SLC1A3: variants seen among roughly 807,000 people sequenced by gnomAD.
SLC1A3 encodes the protein solute carrier family 1 member 3.
SLC1A3 carries 21 observed loss-of-function variants against 48.1 expected under a neutral mutation model. That is an observed-to-expected ratio of 0.44 (90% CI 0.31 to 0.63). SLC1A3 has a LOEUF of 0.63. Among genes scored for constraint, SLC1A3 ranks in the 20% least tolerant of loss-of-function variants. The pLI is 0.08. For missense variants in SLC1A3, 546 were observed against 689.0 expected, an observed-to-expected ratio of 0.79 and a Z score of 2.32; for synonymous variants, 239 against 251.4, an observed-to-expected ratio of 0.95 and a Z score of 0.47.
intron 8 of SLC1A3, among the ~76,000 whole-genome samples, chr5:36,681,210 A>G (rs1347623889): frequency 6.6e-6 from 1 of 152,348 alleles, no homozygotes; most frequent in Middle Eastern, 3.4e-3. Flanking sequence ...AGACATGCAC[A>G]CACTTCTTTT....
At chr5:36,658,760 T>A (rs1741386766) in intron 3 of SLC1A3, among the ~76,000 whole-genome samples, 1 of 152,210 alleles carries the variant, frequency 6.6e-6, no homozygotes, top group Non-Finnish European at 1.5e-5. Flanking sequence ...CCAACTGGCC[T>A]GGGCATTCTA....
chr5:36,631,389 T>C (rs3733810), intron 3 of SLC1A3, among the ~76,000 whole-genome samples: 28,032 of 152,088 alleles, frequency 0.18, 4,043 homozygotes, highest in African/African-American at 0.4. Flanking sequence ...ACAACTTTAT[T>C]GAAGAAATAA....
intron 3 of SLC1A3, among the ~76,000 whole-genome samples, chr5:36,632,441 C>G (rs542245161): frequency 6.6e-6 from 1 of 152,318 alleles, no homozygotes; most frequent in Admixed American, 6.5e-5. Flanking sequence ...GTGGAATTCA[C>G]TACTGAACAT....
At chr5:36,598,852 T>C (rs1335721592) in intron 1 of SLC1A3, among the ~76,000 whole-genome samples, 2 of 152,138 alleles carry the variant, frequency 1.3e-5, no homozygotes, top group Non-Finnish European at 2.9e-5. Flanking sequence ...GATCTCAAAC[T>C]CCTGCACTCA....
At chr5:36,663,309 A>T (rs1741591256) in intron 3 of SLC1A3, among the ~76,000 whole-genome samples, 1 of 149,102 alleles carries the variant, frequency 6.7e-6, no homozygotes, top group Non-Finnish European at 1.5e-5. Context: ...TCCGCTTCCC[A>T]GGTTCGAGCA....
chr5:36,632,348 C>A (rs1740166666), intron 3 of SLC1A3, among the ~76,000 whole-genome samples: 1 of 152,218 alleles, frequency 6.6e-6, no homozygotes, highest in Non-Finnish European at 1.5e-5. Flanking sequence ...CCATTCCAAC[C>A]CTCAGACTAC....
Position 36,646,150 on chromosome 5 carries a change from G to C in SLC1A3, c.319+16563G>C, listed in dbSNP as rs56406249. 9.0e-3 allele frequency among the ~76,000 whole-genome samples: 1,375 copies of C among 152,290 alleles called. 12 individuals are homozygous for C. Among genetic ancestry groups the C allele is most frequent in the Non-Finnish European group, 0.012 (783 of 68,024 alleles). ...ATCATTAAGGGAAAGCTAAAGATAC[G>C]TAAGTTTTTTGAAGTTGACATCAAG... is the stretch of plus-strand genomic sequence containing the variant. On this transcript the variant is annotated intron_variant, in intron 3 of 9. Coordinates refer to ENST00000265113, the MANE Select transcript of SLC1A3 (RefSeq NM_004172.5).
chr5:36,608,285 AC>A, intron 1 of SLC1A3, 43 bp from the exon 2 acceptor site: 1 of 721,634 alleles, frequency 1.4e-6, no homozygotes, highest in East Asian at 2.7e-5. Flanking sequence ...CTGATTTCTC[AC>A]CCCTGGAGGC....
chr5:36,621,560 A>G (rs1739671633), intron 2 of SLC1A3, among the ~76,000 whole-genome samples: 1 of 152,186 alleles, frequency 6.6e-6, no homozygotes, highest in South Asian at 2.1e-4. Context: ...AACCAGTTAG[A>G]AGACTACTGC....
At chr5:36,637,930 C>T (rs923000177) in intron 3 of SLC1A3, among the ~76,000 whole-genome samples, 4 of 146,922 alleles carry the variant, frequency 2.7e-5, no homozygotes, top group African/African-American at 1.0e-4. Context: ...TGGGAGTTGA[C>T]ATTTATTTGT....
chr5:36,654,712 C>T (rs1580001985), intron 3 of SLC1A3, among the ~76,000 whole-genome samples: 1 of 152,184 alleles, frequency 6.6e-6, no homozygotes, highest in African/African-American at 2.4e-5. Flanking sequence ...TGCTCTGCGT[C>T]ATGCAGGGCT....
At chr5:36,610,492 G>A (rs897330556) in intron 2 of SLC1A3, among the ~76,000 whole-genome samples, 1 of 152,154 alleles carries the variant, frequency 6.6e-6, no homozygotes, top group African/African-American at 2.4e-5. Context: ...ATTCAAAATG[G>A]TGTTGTAAAC....
chr5:36,626,935 T>C (rs960855795), intron 2 of SLC1A3, among the ~76,000 whole-genome samples: 8 of 152,086 alleles, frequency 5.3e-5, no homozygotes, highest in African/African-American at 1.9e-4. Context: ...GAATTTAAGA[T>C]CTATCAAACT....
rs778808337 is a variant in SLC1A3 at position 36,676,922 on chromosome 5, A to G, written c.598A>G (p.Lys200Glu). ...FKTNYEKRSFKVPIQANETLV... is the reference protein window; with the variant it reads ...FKTNYEKRSFEVPIQANETLV... ...AACCAACTATGAGAAGAGAAGCTTT[A>G]AAGTGCCCATCCAGGCCAACGAAAC... The change falls in exon 6 of 10, where the codon AAA (lysine) becomes GAA (glutamate). Residue 200 changes from lysine to glutamate, a missense_variant. This residue lies in a region of SLC1A3 where 348 missense variants were observed against 392.0 expected (regional missense o/e 0.89). Transcript: ENST00000265113. The G allele has an allele frequency of 1.2e-6, 2 of 1,613,826 alleles. No homozygotes were observed. The highest frequency in any genetic ancestry group is 1.1e-5 in the South Asian group (1 of 91,058).
chr5:36,666,975 G>A (rs1441422309), intron 3 of SLC1A3, among the ~76,000 whole-genome samples: 1 of 152,150 alleles, frequency 6.6e-6, no homozygotes, highest in Non-Finnish European at 1.5e-5. Context: ...ATACTCAGGT[G>A]TTTGAAGCAA....
Position 36,686,336 on chromosome 5 carries a change from A to C in SLC1A3, c.*67A>C. The C allele has an allele frequency of 3.6e-4, 423 of 1,184,256 alleles. No individual in the cohort carries two copies. Among genetic ancestry groups the C allele is most frequent in the Non-Finnish European group, 4.7e-4 (375 of 790,184 alleles). 73.4% of individuals were successfully genotyped at this position (1,184,256 alleles called of 1,614,324 possible). On this transcript the variant is annotated 3_prime_UTR_variant, in exon 10 of 10. Coordinates refer to ENST00000265113, the MANE Select transcript of SLC1A3 (RefSeq NM_004172.5). ...AACCATTATAAAATCTTTCCATCTC[A>C]TTACAGCTCATTCGCTCCAGCAAGC...
chr5:36,618,555 T>C (rs1193994806), intron 2 of SLC1A3, among the ~76,000 whole-genome samples: 1 of 152,190 alleles, frequency 6.6e-6, no homozygotes, highest in African/African-American at 2.4e-5. Context: ...GGGTCTCGGC[T>C]GGGCTCTAGA....
upstream of SLC1A3, among the ~76,000 whole-genome samples, chr5:36,605,875 A>G (rs996853285): frequency 1.6e-4 from 24 of 152,210 alleles, no homozygotes; most frequent in Non-Finnish European, 3.5e-4. Flanking sequence ...AAATGGAGAC[A>G]TCTGAACAGC....
chr5:36,597,405 G>A (rs771395961), intron 1 of SLC1A3, among the ~76,000 whole-genome samples: 4 of 151,356 alleles, frequency 2.6e-5, no homozygotes, highest in African/African-American at 9.7e-5. Flanking sequence ...CGCCACGCCC[G>A]GCTAGTTTTT....
Sources: gnomAD v4.1 joint callset for allele counts (sites outside exome capture counted in the v4.1 genomes callset) on GRCh38, gnomAD v4.1.1 for gene constraint, gnomAD v4.1.1 regional missense constraint, MANE v1.5 for transcripts, NCBI Gene and HGNC (gene_info 2026-07-23, HGNC 2026-07-21) for gene names.